The following ZNF184 variants were observed in gnomAD, a reference collection of about 807,000 sequenced individuals.
ZNF184 encodes zinc finger protein 184.
ZNF184 carries 16 observed loss-of-function variants against 54.4 expected under a neutral mutation model. The observed-to-expected ratio is 0.29, with a 90% confidence interval of 0.20 to 0.45. The LOEUF (loss-of-function observed/expected upper bound fraction) is 0.45, where lower values mean the gene tolerates loss of function less well. ZNF184 is among the 20% of genes least tolerant of loss of function. The pLI, the probability that ZNF184 is intolerant of heterozygous loss-of-function variation, is 1.00. For synonymous variants in ZNF184, 254 were observed against 295.3 expected (o/e 0.86, Z 1.43); for missense variants, 681 against 888.2 (o/e 0.77, Z 2.97).
intron 5 of ZNF184, among the ~76,000 whole-genome samples, chr6:27,454,858 T>C (rs998430235): frequency 6.6e-6 from 1 of 152,236 alleles, no homozygotes; most frequent in African/African-American, 2.4e-5. Flanking sequence ...ACTATTCTGA[T>C]GTCCCATGTG....
chr6:27,423,697 A>G, the ZNF184 span, among the ~76,000 whole-genome samples: 1 of 152,164 alleles, frequency 6.6e-6, no homozygotes, highest in Non-Finnish European at 1.5e-5. Flanking sequence ...ATATACTTCC[A>G]GCCCTTTTAC....
rs566449763 is a variant in ZNF184 at position 27,464,353 on chromosome 6, T to C, written c.75+3500A>G. On this transcript the variant is annotated intron_variant, in intron 3 of 5. Transcript: ENST00000683788. ...TAACAAGTAAAATGTATGGCAACAA[T>C]AGCATAAAAACTGTGGTGGGGGGAA... 2.6e-5 allele frequency among the ~76,000 whole-genome samples: 4 copies of C among 152,244 alleles called. No individual in the cohort carries two copies. In the East Asian group the frequency reaches 7.7e-4, roughly 29 times the overall value.
the ZNF184 span, chr6:27,408,030 T>TAACCAAGA: frequency 1.0e-6 from 1 of 970,572 alleles, no homozygotes; most frequent in Non-Finnish European, 1.7e-6. Context: ...TATATGCAAA[T>TAACCAAGA]GTGACCTGGG....
chr6:27,451,210 G>T lies in ZNF184; in HGVS notation c.*93C>A. 1 of 1,406,834 alleles carries T rather than the reference G, an allele frequency of 7.1e-7. No individual in the cohort carries two copies. Among genetic ancestry groups the T allele is most frequent in the Non-Finnish European group, 9.5e-7 (1 of 1,047,728 alleles). The allele number at this position is 1,406,834 out of a possible 1,614,324, so 87.1% of individuals were successfully genotyped here. On this transcript the variant is annotated 3_prime_UTR_variant, in exon 6 of 6. Coordinates refer to ENST00000683788, the MANE Select transcript of ZNF184 (RefSeq NM_001318891.2). ...TAGTGAAAATTTAAAAGATTTCAAG[G>T]CAGTTTCTAAATCCACTCTGATTCT...
chr6:27,466,416 A>C (rs892884043), intron 3 of ZNF184, among the ~76,000 whole-genome samples: 1 of 152,210 alleles, frequency 6.6e-6, no homozygotes, highest in Non-Finnish European at 1.5e-5. Flanking sequence ...ACATCTATAG[A>C]ACATTCTATA....
downstream of ZNF184, among the ~76,000 whole-genome samples, chr6:27,449,761 G>GA (rs148643914): frequency 0.051 from 7,427 of 144,978 alleles, 260 homozygotes; most frequent in Non-Finnish European, 0.076. Context: ...TTAAATTAAA[G>GA]AAAAAAAAAA....
At chr6:27,449,197 A>G (rs1290311185), downstream of ZNF184, among the ~76,000 whole-genome samples, 4 of 152,214 alleles carry the variant, frequency 2.6e-5, no homozygotes, top group Admixed American at 6.5e-5. Flanking sequence ...CCTAGAGGAA[A>G]ATGCTTAGTC....
the ZNF184 span, among the ~76,000 whole-genome samples, chr6:27,444,529 C>T: frequency 6.6e-6 from 1 of 152,164 alleles, no homozygotes; most frequent in African/African-American, 2.4e-5. Flanking sequence ...CCCCAATTTT[C>T]TTTTCCCATT....
intron 2 of ZNF184, among the ~76,000 whole-genome samples, chr6:27,470,339 G>A (rs1297477372): frequency 6.6e-6 from 1 of 152,142 alleles, no homozygotes; most frequent in Admixed American, 6.6e-5. Flanking sequence ...TTAGGCAGGT[G>A]GGGGTGATGA....
At chr6:27,418,578 G>A in the ZNF184 span, among the ~76,000 whole-genome samples, 1 of 152,140 alleles carries the variant, frequency 6.6e-6, no homozygotes, top group Non-Finnish European at 1.5e-5. Flanking sequence ...AGGGAAAATG[G>A]TATTTCATTG....
chr6:27,422,140 CAAAAA>C, the ZNF184 span, among the ~76,000 whole-genome samples: 4 of 29,346 alleles, frequency 1.4e-4, 1 homozygote, highest in African/African-American at 5.1e-4. Flanking sequence ...GGCCGTACCT[CAAAAA>C]AAAAAAGAAA....
chr6:27,411,072 G>C, the ZNF184 span, among the ~76,000 whole-genome samples: 1 of 152,136 alleles, frequency 6.6e-6, no homozygotes, highest in African/African-American at 2.4e-5. Context: ...TCACAGTTCT[G>C]GGGGCTAGAA....
the ZNF184 span, among the ~76,000 whole-genome samples, chr6:27,420,839 T>A: frequency 6.6e-6 from 1 of 152,302 alleles, no homozygotes; most frequent in South Asian, 2.1e-4. Flanking sequence ...AACATGGAAG[T>A]AACCAGTATT....
chr6:27,417,385 G>T, the ZNF184 span, among the ~76,000 whole-genome samples: 14 of 146,518 alleles, frequency 9.6e-5, no homozygotes, highest in East Asian at 2.0e-4. Context: ...GACAATTCTG[G>T]TTTTTTTTTT....
At chr6:27,415,328 A>G in the ZNF184 span, among the ~76,000 whole-genome samples, 2 of 152,158 alleles carry the variant, frequency 1.3e-5, no homozygotes, top group Non-Finnish European at 2.9e-5. Flanking sequence ...AGCTAGCCAC[A>G]TTTTAGTAAA....
At chr6:27,429,355 C>T in the ZNF184 span, among the ~76,000 whole-genome samples, 1 of 152,162 alleles carries the variant, frequency 6.6e-6, no homozygotes, top group Non-Finnish European at 1.5e-5. Context: ...GAGAAGCAGC[C>T]TGGTCTAAAG....
In ZNF184 at chr6:27,460,569, G is replaced by A. The variant is rs148722454; in HGVS notation, c.76-3160C>T. 1.2e-3 allele frequency among the ~76,000 whole-genome samples: 184 copies of A among 152,328 alleles called. 2 individuals carry two copies. In the Middle Eastern group the frequency reaches 0.017, roughly 14 times the overall value. ...GTCCAGACTGCAGAGCAGGGAGGCA[G>A]AGCTCTACCAAAGCAGTGGTCTTAC... On this transcript the variant is annotated intron_variant, in intron 3 of 5. Transcript: ENST00000683788.
intron 2 of ZNF184, among the ~76,000 whole-genome samples, chr6:27,469,609 C>G (rs1245506295): frequency 6.6e-6 from 1 of 151,524 alleles, no homozygotes; most frequent in Non-Finnish European, 1.5e-5. Flanking sequence ...CCACTGCACT[C>G]CAGCCTGGGC....
chr6:27,464,405 G>A (rs1203443319), intron 3 of ZNF184, among the ~76,000 whole-genome samples: 5 of 151,946 alleles, frequency 3.3e-5, no homozygotes, highest in Admixed American at 6.6e-5. Flanking sequence ...TAAGTAAAAT[G>A]GAATATCACT....
Sources: allele counts gnomAD v4.1 joint callset (sites outside exome capture counted in the v4.1 genomes callset), GRCh38; gene constraint gnomAD v4.1.1; transcripts MANE v1.5; gene names NCBI Gene and HGNC (gene_info 2026-07-23, HGNC 2026-07-21).